UBE2E2: variants seen among roughly 807,000 people sequenced by gnomAD.
UBE2E2 encodes the protein ubiquitin conjugating enzyme E2 E2.
UBE2E2 carries 6 observed loss-of-function variants against 24.7 expected under a neutral mutation model. The observed-to-expected ratio is 0.24, with a 90% CI of 0.13 to 0.48. The LOEUF (loss-of-function observed/expected upper bound fraction) is 0.48, where lower values mean the gene tolerates loss of function less well. Ranked by LOEUF, UBE2E2 falls within the 20% of genes least tolerant of loss-of-function variation. The pLI, the probability that UBE2E2 is intolerant of heterozygous loss-of-function variation, is 0.99. For missense variants in UBE2E2, 169 were observed against 245.0 expected, an observed-to-expected ratio of 0.69 and a Z score of 2.07; for synonymous variants, 104 against 83.6, an observed-to-expected ratio of 1.24 and a Z score of -1.33.
At chr3:23,566,566 C>G (rs1205075403) in intron 5 of UBE2E2, among the ~76,000 whole-genome samples, 1 of 152,182 alleles carries the variant, frequency 6.6e-6, no homozygotes, top group Non-Finnish European at 1.5e-5. Flanking sequence ...GTGCCAGCAT[C>G]TGCTTCTGGA....
chr3:23,510,852 A>G (rs1160153860), intron 4 of UBE2E2, among the ~76,000 whole-genome samples: 2 of 152,194 alleles, frequency 1.3e-5, no homozygotes, highest in East Asian at 3.8e-4. Context: ...TTGATATATA[A>G]AGATGAGTAA....
chr3:23,575,515 C>T (rs1194614528), intron 5 of UBE2E2, among the ~76,000 whole-genome samples: 2 of 152,006 alleles, frequency 1.3e-5, no homozygotes, highest in Non-Finnish European at 2.9e-5. Context: ...GAACAAAATA[C>T]TCACAGAAGA....
intron 3 of UBE2E2, among the ~76,000 whole-genome samples, chr3:23,312,179 A>T (rs12496983): frequency 6.6e-6 from 1 of 151,758 alleles, no homozygotes; most frequent in Non-Finnish European, 1.5e-5. Context: ...GCCTCCCCCC[A>T]AAAAAAAGCT....
intron 3 of UBE2E2, among the ~76,000 whole-genome samples, chr3:23,275,232 G>T (rs1228571490): frequency 6.6e-6 from 1 of 152,208 alleles, no homozygotes; most frequent in Non-Finnish European, 1.5e-5. Flanking sequence ...CAGGGTGAGA[G>T]AAGCGGTGCT....
intron 3 of UBE2E2, among the ~76,000 whole-genome samples, chr3:23,403,867 A>G (rs1260607404): frequency 1.3e-5 from 2 of 152,080 alleles, no homozygotes; most frequent in Non-Finnish European, 2.9e-5. Flanking sequence ...CATAGAGGAC[A>G]AACAAAAAGT....
At chr3:23,458,287 T>A (rs1575643450) in intron 3 of UBE2E2, among the ~76,000 whole-genome samples, 1 of 151,744 alleles carries the variant, frequency 6.6e-6, no homozygotes, top group East Asian at 1.9e-4. Flanking sequence ...AGTGGAGCAG[T>A]CACACAACAT....
intron 3 of UBE2E2, among the ~76,000 whole-genome samples, chr3:23,254,916 C>T (rs1033864033): frequency 2.0e-5 from 3 of 151,698 alleles, no homozygotes; most frequent in Non-Finnish European, 2.9e-5. Context: ...TTTTTTCCCC[C>T]CTTATGTCTC....
chr3:23,435,979 C>T (rs528167141), intron 3 of UBE2E2, among the ~76,000 whole-genome samples: 10 of 152,194 alleles, frequency 6.6e-5, no homozygotes, highest in African/African-American at 2.2e-4. Context: ...TCATAAGGAG[C>T]GCACAGTCTA....
chr3:23,576,297 C>T (rs995789632), intron 5 of UBE2E2, among the ~76,000 whole-genome samples: 9 of 151,768 alleles, frequency 5.9e-5, no homozygotes, highest in East Asian at 1.9e-4. Context: ...ACTTGGGGAG[C>T]GAAAAGAATA....
intron 3 of UBE2E2, among the ~76,000 whole-genome samples, chr3:23,354,669 C>T (rs1248792207): frequency 1.3e-5 from 2 of 152,144 alleles, no homozygotes; most frequent in African/African-American, 4.8e-5. Context: ...CAAATCAAAA[C>T]CGCAATGAGA....
intron 1 of UBE2E2, among the ~76,000 whole-genome samples, chr3:23,206,903 G>A (rs906998048): frequency 1.3e-5 from 2 of 152,080 alleles, no homozygotes; most frequent in Admixed American, 6.5e-5. Context: ...ATCAGAAACA[G>A]TTTTATTTCA....
intron 5 of UBE2E2, among the ~76,000 whole-genome samples, chr3:23,560,480 G>C (rs1282382432): frequency 2.0e-5 from 3 of 152,044 alleles, no homozygotes; most frequent in African/African-American, 4.8e-5. Context: ...TGGACATTTG[G>C]GTTGGTTCCA....
intron 3 of UBE2E2, among the ~76,000 whole-genome samples, chr3:23,331,726 TGA>T (rs1695064316): frequency 6.6e-6 from 1 of 151,310 alleles, no homozygotes; most frequent in Non-Finnish European, 1.5e-5. Context: ...TGGGAGGAGA[TGA>T]GAGAGAGGAA....
chr3:23,446,693 T>A (rs1295587706), intron 3 of UBE2E2, among the ~76,000 whole-genome samples: 7 of 138,292 alleles, frequency 5.1e-5, no homozygotes, highest in Admixed American at 4.4e-4. Flanking sequence ...ATTATCCGTC[T>A]GTTTGGTTTT....
intron 5 of UBE2E2, among the ~76,000 whole-genome samples, chr3:23,571,017 A>G (rs571836038): frequency 6.6e-6 from 1 of 152,260 alleles, no homozygotes; most frequent in Non-Finnish European, 1.5e-5. Context: ...ATAAATGGAT[A>G]ATTGGGACAA....
intron 3 of UBE2E2, among the ~76,000 whole-genome samples, chr3:23,397,833 T>C (rs1417875046): frequency 1.3e-5 from 2 of 152,208 alleles, no homozygotes; most frequent in Non-Finnish European, 2.9e-5. Context: ...GCCTGTTTCT[T>C]TTTTCATTCT....
intron 5 of UBE2E2, among the ~76,000 whole-genome samples, chr3:23,556,610 C>T (rs1192343467): frequency 6.6e-6 from 1 of 151,980 alleles, no homozygotes; most frequent in Non-Finnish European, 1.5e-5. Flanking sequence ...TTGTTAAGTC[C>T]TCCAAAACCA....
intron 3 of UBE2E2, among the ~76,000 whole-genome samples, chr3:23,267,626 A>T (rs1362148011): frequency 6.6e-6 from 1 of 152,050 alleles, no homozygotes; most frequent in African/African-American, 2.4e-5. Flanking sequence ...TACCAGAGGT[A>T]CAAGGAGGAA....
intron 4 of UBE2E2, among the ~76,000 whole-genome samples, chr3:23,516,133 T>TA (rs1299277822): frequency 3.3e-5 from 5 of 152,240 alleles, no homozygotes; most frequent in African/African-American, 4.8e-5. Flanking sequence ...GGATACCAGT[T>TA]ACACTGTTCT....
Sources: allele counts gnomAD v4.1 joint callset (sites outside exome capture counted in the v4.1 genomes callset), GRCh38; gene constraint gnomAD v4.1.1; transcripts MANE v1.5; gene names NCBI Gene and HGNC (gene_info 2026-07-23, HGNC 2026-07-21).